The following PARD3B variants were observed in gnomAD, a reference collection of about 807,000 sequenced individuals.
The protein encoded by PARD3B is partitioning defective 3 homolog B.
A neutral mutation model predicts 130.2 loss-of-function variants in PARD3B; 103 were observed. That is an observed-to-expected ratio of 0.79 (90% CI 0.67 to 0.93). The LOEUF is 0.93. Among genes scored for constraint, PARD3B ranks in the 40% least tolerant of loss-of-function variants. The pLI, the probability that PARD3B is intolerant of heterozygous loss-of-function variation, is 0.00. For missense variants in PARD3B, 1,609 were observed against 1,499.2 expected (o/e 1.07, Z -1.21); for synonymous variants, 583 against 553.2 (o/e 1.05, Z -0.76).
chr2:205,293,529 C>CA (rs1318817967), intron 16 of PARD3B: 1 of 152,054 alleles, frequency 6.6e-6, no homozygotes, highest in Non-Finnish European at 1.5e-5. Flanking sequence ...TTAAAGCACA[C>CA]ATGAGGTGGA....
intron 2 of PARD3B, among the ~76,000 whole-genome samples, chr2:204,729,908 G>A (rs1279287791): frequency 2.0e-5 from 3 of 151,350 alleles, no homozygotes; most frequent in African/African-American, 7.3e-5. Context: ...ATATGGTTCC[G>A]ACTCCCAGGA....
intron 3 of PARD3B, among the ~76,000 whole-genome samples, chr2:204,991,102 T>G (rs1348717931): frequency 1.3e-5 from 2 of 152,126 alleles, no homozygotes; most frequent in African/African-American, 4.8e-5. Flanking sequence ...CTTATATAAG[T>G]TTTAGGGTAC....
intron 16 of PARD3B, among the ~76,000 whole-genome samples, chr2:205,296,081 TGTTTAGAGGTG>T (rs1217766183): frequency 6.6e-6 from 1 of 152,166 alleles, no homozygotes; most frequent in African/African-American, 2.4e-5. Flanking sequence ...CTCATTGAAA[TGTTTAGAGGTG>T]GTACAAAAGT....
intron 1 of PARD3B, among the ~76,000 whole-genome samples, chr2:204,618,669 T>A (rs968324279): frequency 6.6e-6 from 1 of 152,210 alleles, no homozygotes; most frequent in Admixed American, 6.5e-5. Flanking sequence ...TGTGACTTAT[T>A]TATTAGTGTA....
At chr2:205,286,609 G>T (rs1207764361) in intron 16 of PARD3B, among the ~76,000 whole-genome samples, 2 of 152,092 alleles carry the variant, frequency 1.3e-5, no homozygotes, top group Non-Finnish European at 2.9e-5. Flanking sequence ...TCTGTGAAAG[G>T]GAAACTTAAA....
intron 1 of PARD3B, among the ~76,000 whole-genome samples, chr2:204,563,252 TCTCTCTCTC>T (rs1462544397): frequency 6.7e-6 from 1 of 149,540 alleles, no homozygotes; most frequent in East Asian, 2.0e-4. Context: ...TCTCTCTCTC[TCTCTCTCTC>T]TCTCTTTCTC....
chr2:204,847,558 G>A (rs1468677139), intron 2 of PARD3B, among the ~76,000 whole-genome samples: 8 of 152,248 alleles, frequency 5.3e-5, no homozygotes, highest in Admixed American at 5.2e-4. Context: ...ATTCCATTCT[G>A]AGGAGTGTGG....
intron 21 of PARD3B, among the ~76,000 whole-genome samples, chr2:205,512,220 C>A (rs1228897609): frequency 6.6e-6 from 1 of 152,138 alleles, no homozygotes; most frequent in Non-Finnish European, 1.5e-5. Flanking sequence ...GTATTTCATT[C>A]TGAGCCTTGA....
intron 22 of PARD3B, among the ~76,000 whole-genome samples, chr2:205,565,219 A>G (rs2053279438): frequency 6.6e-6 from 1 of 152,204 alleles, no homozygotes; most frequent in South Asian, 2.1e-4. Flanking sequence ...GGAAAGATCT[A>G]TAATTGTTAC....
chr2:204,883,431 TAA>T (rs1199171558), intron 2 of PARD3B, among the ~76,000 whole-genome samples: 1,373 of 110,910 alleles, frequency 0.012, 28 homozygotes, highest in East Asian at 0.075. Context: ...TATATATATA[TAA>T]AATATATATA....
intron 22 of PARD3B, among the ~76,000 whole-genome samples, chr2:205,607,190 C>T (rs1036046268): frequency 2.0e-5 from 3 of 152,014 alleles, no homozygotes; most frequent in Admixed American, 2.0e-4. Context: ...CTGCAAGCAC[C>T]ATCAGCAGTT....
intron 2 of PARD3B, among the ~76,000 whole-genome samples, chr2:204,711,813 G>A (rs945992479): frequency 6.6e-6 from 1 of 152,100 alleles, no homozygotes; most frequent in African/African-American, 2.4e-5. Flanking sequence ...CTCCCAAAGT[G>A]CTGGGATTAC....
chr2:205,424,456 G>A (rs1400593390), intron 19 of PARD3B, among the ~76,000 whole-genome samples: 1 of 152,092 alleles, frequency 6.6e-6, no homozygotes, highest in Admixed American at 6.5e-5. Context: ...GTGGCATTTA[G>A]GGCCAAGAAA....
intron 1 of PARD3B, among the ~76,000 whole-genome samples, chr2:204,560,082 A>G (rs1025413185): frequency 6.6e-6 from 1 of 152,136 alleles, no homozygotes; most frequent in South Asian, 2.1e-4. Context: ...AGAAATACCT[A>G]ATGTAAATGA....
intron 14 of PARD3B, among the ~76,000 whole-genome samples, chr2:205,192,918 A>G (rs1302164484): frequency 1.3e-5 from 2 of 152,174 alleles, no homozygotes; most frequent in African/African-American, 4.8e-5. Flanking sequence ...TTACCCACTT[A>G]AAGTTATATA....
intron 3 of PARD3B, among the ~76,000 whole-genome samples, chr2:205,012,158 G>A (rs2125311009): frequency 6.6e-6 from 1 of 152,174 alleles, no homozygotes; most frequent in East Asian, 1.9e-4. Context: ...ACTGATCCTG[G>A]TCCTTATGTT....
At position 205,269,476 on chromosome 2, in the gene PARD3B, A is replaced by G. The variant is rs910151931; in HGVS notation, c.2185+23654A>G. Among the ~76,000 whole-genome samples, 12 of 152,310 alleles carry G rather than the reference A, an allele frequency of 7.9e-5. No individual in the cohort carries two copies. In the South Asian group the frequency reaches 2.1e-3, roughly 26 times the overall value. ...AGAAAGCAAAGTTAGTACCTTGTTA[A>G]GATTTCCAAGAACTTTTATATTCAG... On this transcript the variant is annotated intron_variant, in intron 16 of 22. Coordinates refer to ENST00000406610, the MANE Select transcript of PARD3B (RefSeq NM_001302769.2). The surrounding 1 kb of genome is among the most constrained non-coding windows in gnomAD (Gnocchi z 4.7).
intron 4 of PARD3B, among the ~76,000 whole-genome samples, chr2:205,098,993 G>A (rs1306715493): frequency 6.6e-6 from 1 of 152,160 alleles, no homozygotes; most frequent in Non-Finnish European, 1.5e-5. Flanking sequence ...TGTTGTGAGA[G>A]CTACATATGA....
intron 18 of PARD3B, among the ~76,000 whole-genome samples, chr2:205,337,018 G>A (rs949070804): frequency 2.7e-5 from 4 of 146,886 alleles, no homozygotes; most frequent in African/African-American, 1.0e-4. Context: ...CTTTTCTAAT[G>A]TAACCTAACA....
Sources: gnomAD v4.1 joint callset for allele counts (sites outside exome capture counted in the v4.1 genomes callset) on GRCh38, gnomAD v4.1.1 for gene constraint, Gnocchi (gnomAD v3.1) non-coding constraint, MANE v1.5 for transcripts, NCBI Gene and HGNC (gene_info 2026-07-23, HGNC 2026-07-21) for gene names.